Variants in EPHA6 observed in about 807,000 individuals in gnomAD.
EPHA6 encodes EPH receptor A6.
A neutral mutation model predicts 112.0 loss-of-function variants in EPHA6; 50 were observed. The ratio of observed to expected loss-of-function variants is 0.45; its 90% CI spans 0.36 to 0.56. The LOEUF is 0.56. Ranked by LOEUF, EPHA6 falls within the 20% of genes least tolerant of loss-of-function variation. EPHA6 has a pLI of 0.00. For synonymous variants in EPHA6, 529 were observed against 490.7 expected, an observed-to-expected ratio of 1.08 and a Z score of -1.03; for missense variants, 1,280 against 1,417.4, an observed-to-expected ratio of 0.90 and a Z score of 1.56.
intron 3 of EPHA6, among the ~76,000 whole-genome samples, chr3:97,083,477 AC>A (rs1401554238): frequency 1.3e-5 from 2 of 151,912 alleles, no homozygotes; most frequent in Non-Finnish European, 2.9e-5. Context: ...TGTTTACACC[AC>A]TTCTGCAAAA....
intron 3 of EPHA6, among the ~76,000 whole-genome samples, chr3:97,014,332 C>T (rs1233552720): frequency 6.6e-6 from 1 of 151,470 alleles, no homozygotes; most frequent in Non-Finnish European, 1.5e-5. Context: ...TTCCCTCCTT[C>T]CCTCCCTTCC....
At chr3:97,700,070 C>G (rs1440685839) in intron 14 of EPHA6, among the ~76,000 whole-genome samples, 1 of 152,234 alleles carries the variant, frequency 6.6e-6, no homozygotes. Flanking sequence ...CAACATATTA[C>G]TGTGTTTGCT....
intron 11 of EPHA6, among the ~76,000 whole-genome samples, chr3:97,571,284 A>C (rs988388260): frequency 1.3e-5 from 2 of 152,142 alleles, no homozygotes; most frequent in African/African-American, 4.8e-5. Flanking sequence ...GCAGTAGTCA[A>C]AATTAAGTGT....
chr3:97,555,416 A>T (rs1003146203), intron 11 of EPHA6, among the ~76,000 whole-genome samples: 1 of 152,138 alleles, frequency 6.6e-6, no homozygotes, highest in African/African-American at 2.4e-5. Context: ...TTATAGCAGC[A>T]TGATTTATAG....
intron 2 of EPHA6, among the ~76,000 whole-genome samples, chr3:96,913,446 G>A (rs1286556488): frequency 6.6e-6 from 1 of 151,992 alleles, no homozygotes; most frequent in South Asian, 2.1e-4. Flanking sequence ...GTCTGTGGCT[G>A]CAAATGCTGC....
At chr3:96,976,758 C>T (rs578158372) in intron 2 of EPHA6, among the ~76,000 whole-genome samples, 1 of 152,238 alleles carries the variant, frequency 6.6e-6, no homozygotes, top group South Asian at 2.1e-4. Flanking sequence ...GAAGATATGC[C>T]ACTTAGATCT....
chr3:97,672,719 C>A (rs2030970920), intron 14 of EPHA6, among the ~76,000 whole-genome samples: 1 of 152,072 alleles, frequency 6.6e-6, no homozygotes, highest in African/African-American at 2.4e-5. Flanking sequence ...TCCCTTTGAA[C>A]ATATTGGAAT....
At chr3:97,037,866 A>G (rs923910776) in intron 3 of EPHA6, among the ~76,000 whole-genome samples, 1 of 152,058 alleles carries the variant, frequency 6.6e-6, no homozygotes, top group Non-Finnish European at 1.5e-5. Flanking sequence ...GTTGGGTAAG[A>G]GGAGAAAGTG....
At chr3:97,449,983 A>AAGT (rs932796502) in intron 7 of EPHA6, among the ~76,000 whole-genome samples, 32 of 152,248 alleles carry the variant, frequency 2.1e-4, no homozygotes, top group African/African-American at 7.5e-4. Context: ...CAAAGGGAGA[A>AAGT]AGTGCTGATG....
chr3:97,625,154 C>T (rs1168684237), intron 13 of EPHA6, among the ~76,000 whole-genome samples: 2 of 151,382 alleles, frequency 1.3e-5, no homozygotes, highest in Non-Finnish European at 1.5e-5. Context: ...GGAGATCTTC[C>T]TCTTTCTCAA....
At chr3:97,571,674 T>A (rs1274562995) in intron 11 of EPHA6, among the ~76,000 whole-genome samples, 2 of 150,090 alleles carry the variant, frequency 1.3e-5, no homozygotes, top group African/African-American at 5.0e-5. Flanking sequence ...ATAATGAAAC[T>A]CTTTCCTGTT....
At chr3:97,392,973 T>G (rs367563893) in intron 5 of EPHA6, among the ~76,000 whole-genome samples, 1 of 151,812 alleles carries the variant, frequency 6.6e-6, no homozygotes. Context: ...ATATGTAATT[T>G]GTATAATTGT....
intron 5 of EPHA6, among the ~76,000 whole-genome samples, chr3:97,261,653 G>C (rs2079508159): frequency 6.6e-6 from 1 of 152,108 alleles, no homozygotes; most frequent in African/African-American, 2.4e-5. Flanking sequence ...TGGTGTTTGA[G>C]GGATGTTTCA....
In EPHA6 at chr3:97,753,764, C is replaced by T. The variant is rs2035955748; in HGVS notation, c.*5063C>T. Among the ~76,000 whole-genome samples the T allele has an allele frequency of 6.6e-6, 1 of 152,042 alleles. No homozygotes were observed. Among genetic ancestry groups the T allele is most frequent in the Non-Finnish European group, 1.5e-5 (1 of 68,002 alleles). ...ATTTAACAGGGGAAATAGATGATTA[C>T]TCCTGACTATAACATATTACTAAGT... is the stretch of plus-strand genomic sequence containing the variant. On this transcript the variant is annotated 3_prime_UTR_variant, in exon 18 of 18. Transcript: ENST00000389672.
At chr3:97,535,615 A>G (rs1393729278) in intron 11 of EPHA6, among the ~76,000 whole-genome samples, 2 of 152,154 alleles carry the variant, frequency 1.3e-5, no homozygotes, top group Admixed American at 6.6e-5. Flanking sequence ...AATTATTCCA[A>G]GATTACCCTT....
chr3:97,283,014 AAGAC>A (rs2080340779), intron 5 of EPHA6, among the ~76,000 whole-genome samples: 1 of 152,222 alleles, frequency 6.6e-6, no homozygotes, highest in Non-Finnish European at 1.5e-5. Context: ...TTAAAAAAGA[AAGAC>A]TGGCAATGTC....
intron 6 of EPHA6, among the ~76,000 whole-genome samples, chr3:97,423,248 G>A (rs2088825912): frequency 1.3e-5 from 2 of 152,150 alleles, no homozygotes; most frequent in Admixed American, 1.3e-4. Flanking sequence ...TTTATAGCCA[G>A]AAAACCCCAT....
At chr3:97,628,315 A>C (rs1347616739) in intron 13 of EPHA6, among the ~76,000 whole-genome samples, 1 of 152,008 alleles carries the variant, frequency 6.6e-6, no homozygotes, top group African/African-American at 2.4e-5. Flanking sequence ...CAAGGACAAC[A>C]TTTACGTACA....
intron 11 of EPHA6, among the ~76,000 whole-genome samples, chr3:97,551,798 C>T (rs1203725586): frequency 5.3e-5 from 8 of 152,002 alleles, no homozygotes; most frequent in Admixed American, 5.2e-4. Flanking sequence ...TAGAGTATAT[C>T]TCATTGCAAG....
Sources: allele counts gnomAD v4.1 joint callset (sites outside exome capture counted in the v4.1 genomes callset), GRCh38; gene constraint gnomAD v4.1.1; transcripts MANE v1.5; gene names NCBI Gene and HGNC (gene_info 2026-07-23, HGNC 2026-07-21).